GPBP1: variants seen among roughly 807,000 people sequenced by gnomAD.
The protein encoded by GPBP1 is GC-rich promoter binding protein 1.
GPBP1 carries 13 observed loss-of-function variants against 56.5 expected under a neutral mutation model. The observed-to-expected ratio is 0.23, with a 90% CI of 0.15 to 0.37. The LOEUF is 0.37. GPBP1 is among the 10% of genes least tolerant of loss of function. The probability of loss-of-function intolerance (pLI) is 1.00; values close to 1 mark genes in which losing one functional copy is unlikely to be tolerated. For missense variants in GPBP1, 477 were observed against 572.3 expected (o/e 0.83, Z 1.70); for synonymous variants, 204 against 188.9 (o/e 1.08, Z -0.66).
intron 2 of GPBP1, among the ~76,000 whole-genome samples, chr5:57,189,813 T>C (rs1561325661): frequency 1.3e-5 from 2 of 152,204 alleles, no homozygotes; most frequent in Non-Finnish European, 2.9e-5. Context: ...TACTGGCCCA[T>C]TGGCCTTCTT....
At chr5:57,257,899 G>A (rs1200631066) in intron 10 of GPBP1, among the ~76,000 whole-genome samples, 2 of 152,138 alleles carry the variant, frequency 1.3e-5, no homozygotes, top group Non-Finnish European at 2.9e-5. Context: ...GTGTTGAGTG[G>A]GATATTTTGA....
chr5:57,197,182 C>T (rs574320950), intron 2 of GPBP1, among the ~76,000 whole-genome samples: 1 of 152,084 alleles, frequency 6.6e-6, no homozygotes, highest in East Asian at 1.9e-4. Flanking sequence ...ACATCTAGCC[C>T]ATTTTTTTTT....
chr5:57,213,852 C>G (rs1027034380), intron 2 of GPBP1, among the ~76,000 whole-genome samples: 1 of 152,094 alleles, frequency 6.6e-6, no homozygotes. Flanking sequence ...TAATAACCAC[C>G]GCAATCAAGA....
intron 3 of GPBP1, chr5:57,221,256 T>C (rs75531840): frequency 3.2e-6 from 2 of 630,822 alleles, no homozygotes; most frequent in East Asian, 5.1e-5. Flanking sequence ...TTCATTTTCA[T>C]GTATATGTAA....
intron 2 of GPBP1, among the ~76,000 whole-genome samples, chr5:57,212,988 C>T (rs995613030): frequency 6.6e-6 from 1 of 152,034 alleles, no homozygotes; most frequent in African/African-American, 2.4e-5. Context: ...GGACCATTCC[C>T]TGGTTTATTT....
At chr5:57,191,569 T>TG (rs1474533418) in intron 2 of GPBP1, among the ~76,000 whole-genome samples, 1 of 151,372 alleles carries the variant, frequency 6.6e-6, no homozygotes, top group African/African-American at 2.4e-5. Flanking sequence ...TTTTTTTTTT[T>TG]TTTGTTTGTT....
Position 57,264,673 on chromosome 5 carries a change from A to G in GPBP1, c.*1921A>G, listed in dbSNP as rs1232462345. The G allele has an allele frequency of 6.6e-6, 1 of 152,198 alleles. No homozygotes were observed. Among genetic ancestry groups the G allele is most frequent in the African/African-American group, 2.4e-5 (1 of 41,458 alleles). 9.4% of individuals were successfully genotyped at this position (152,198 alleles called of 1,614,324 possible). ...ACTCCTTATAAATATGGTAAAGTAC[A>G]GTGGTATGGTTATTCTATGCATTAA... On this transcript the variant is annotated 3_prime_UTR_variant, in exon 12 of 12. Transcript: ENST00000506184.
chr5:57,188,783 C>G (rs1335047509), intron 2 of GPBP1, among the ~76,000 whole-genome samples: 1 of 152,018 alleles, frequency 6.6e-6, no homozygotes, highest in East Asian at 1.9e-4. Flanking sequence ...CTTCCTAGCC[C>G]CATACTCTCT....
intron 2 of GPBP1, among the ~76,000 whole-genome samples, chr5:57,187,963 C>T (rs1454399306): frequency 6.6e-6 from 1 of 151,850 alleles, no homozygotes; most frequent in Non-Finnish European, 1.5e-5. Flanking sequence ...ATTATCGAGG[C>T]TGGGCTTGGT....
intron 3 of GPBP1, among the ~76,000 whole-genome samples, chr5:57,228,058 G>C (rs1337333888): frequency 1.3e-5 from 2 of 152,148 alleles, no homozygotes; most frequent in Non-Finnish European, 2.9e-5. Flanking sequence ...GTGCAACAAA[G>C]ACTTAAGGCT....
chr5:57,200,791 C>T (rs1184713200), intron 2 of GPBP1, among the ~76,000 whole-genome samples: 1 of 152,202 alleles, frequency 6.6e-6, no homozygotes, highest in Admixed American at 6.5e-5. Context: ...ACGCCATTCT[C>T]CTGCCTCAGG....
At chr5:57,194,039 TC>T (rs1754643805) in intron 2 of GPBP1, among the ~76,000 whole-genome samples, 1 of 152,214 alleles carries the variant, frequency 6.6e-6, no homozygotes, top group African/African-American at 2.4e-5. Context: ...AGTAGTAGCA[TC>T]ATGTCTACCC....
intron 2 of GPBP1, among the ~76,000 whole-genome samples, chr5:57,178,247 A>AT (rs974266638): frequency 1.3e-5 from 2 of 151,992 alleles, no homozygotes; most frequent in African/African-American, 2.4e-5. Flanking sequence ...ATTATTTGTG[A>AT]TTTTTTCTTT....
rs1039379968 is a variant in GPBP1 at position 57,263,537 on chromosome 5, CACTG to C, written c.*790_*793del. On this transcript the variant is annotated 3_prime_UTR_variant, in exon 12 of 12. Coordinates refer to ENST00000506184, the MANE Select transcript of GPBP1 (RefSeq NM_022913.4). ...ATTACACACGCAGAAAAACTGATCA[CACTG>C]ACTGGATCTGTCCACGACATGGAAA... 4 of 152,176 alleles carry C rather than the reference CACTG, an allele frequency of 2.6e-5. No homozygotes were observed. The highest frequency in any genetic ancestry group is 6.5e-5 in the Admixed American group (1 of 15,284). The allele number at this position is 152,176 out of a possible 1,614,324, so 9.4% of individuals were successfully genotyped here. A position where few individuals can be genotyped will look rare whatever the true frequency, so the allele number is the denominator to read the frequency against.
At chr5:57,243,668 T>C (rs1231093912) in intron 6 of GPBP1, among the ~76,000 whole-genome samples, 3 of 150,790 alleles carry the variant, frequency 2.0e-5, no homozygotes, top group Admixed American at 6.7e-5. Flanking sequence ...TACTTGCCTA[T>C]CTAGTTTTCA....
intron 2 of GPBP1, among the ~76,000 whole-genome samples, chr5:57,205,203 C>A (rs577257301): frequency 1.8e-4 from 27 of 152,274 alleles, no homozygotes; most frequent in Middle Eastern, 3.4e-3. Context: ...AGGCATACAA[C>A]GTGATCTTTT....
chr5:57,216,155 G>A (rs1326772539), intron 3 of GPBP1, among the ~76,000 whole-genome samples: 3 of 152,174 alleles, frequency 2.0e-5, no homozygotes, highest in African/African-American at 7.2e-5. Flanking sequence ...GGGTTGGGTG[G>A]AATAAAGGAG....
At chr5:57,229,394 G>C (rs1756343772) in intron 3 of GPBP1, among the ~76,000 whole-genome samples, 1 of 151,858 alleles carries the variant, frequency 6.6e-6, no homozygotes, top group Non-Finnish European at 1.5e-5. Context: ...GTGATTTGTG[G>C]CTCTTTAATT....
intron 2 of GPBP1, among the ~76,000 whole-genome samples, chr5:57,179,436 C>G (rs1753943185): frequency 6.6e-6 from 1 of 152,216 alleles, no homozygotes; most frequent in South Asian, 2.1e-4. Flanking sequence ...CAACCTCGAA[C>G]TCCTGGGGTT....
Sources: allele counts gnomAD v4.1 joint callset (sites outside exome capture counted in the v4.1 genomes callset), GRCh38; gene constraint gnomAD v4.1.1; transcripts MANE v1.5; gene names NCBI Gene and HGNC (gene_info 2026-07-23, HGNC 2026-07-21).